RAP1A: variants seen among roughly 807,000 people sequenced by gnomAD.
The protein encoded by RAP1A is ras-related protein Rap-1A.
In RAP1A, 6 loss-of-function variants were observed where a neutral mutation model predicts 26.4. The ratio of observed to expected loss-of-function variants is 0.23; its 90% CI spans 0.12 to 0.45. The LOEUF is 0.45. Ranked by LOEUF, RAP1A falls within the 20% of genes least tolerant of loss-of-function variation. The pLI is 0.99. For missense variants in RAP1A, 121 were observed against 217.2 expected, an observed-to-expected ratio of 0.56 and a Z score of 2.78; for synonymous variants, 73 against 79.4, an observed-to-expected ratio of 0.92 and a Z score of 0.43.
chr1:111,584,376 T>C (rs762894145), intron 1 of RAP1A, among the ~76,000 whole-genome samples: 11 of 152,142 alleles, frequency 7.2e-5, no homozygotes, highest in Admixed American at 5.2e-4. Context: ...TTCTGGAGAC[T>C]GGGTAGTCCA....
intron 1 of RAP1A, among the ~76,000 whole-genome samples, chr1:111,585,420 A>G (rs1477893665): frequency 1.3e-5 from 2 of 152,200 alleles, no homozygotes; most frequent in Admixed American, 6.5e-5. Context: ...TGGATGATGG[A>G]TACAAATCAG....
intron 1 of RAP1A, among the ~76,000 whole-genome samples, chr1:111,594,054 C>G (rs1422592691): frequency 6.6e-6 from 1 of 152,126 alleles, no homozygotes; most frequent in East Asian, 1.9e-4. Flanking sequence ...TTTTAAGCCT[C>G]CAGCAACGTT....
intron 1 of RAP1A, chr1:111,649,316 G>A (rs2101132272): frequency 2.3e-6 from 1 of 428,372 alleles, no homozygotes; most frequent in East Asian, 5.7e-5. Context: ...CAGGCATTGA[G>A]GCGTTGCATG....
In RAP1A at chr1:111,619,808, C is replaced by T. The variant is rs1038622875; in HGVS notation, c.-154C>T. 24 of 399,032 alleles carry T rather than the reference C, an allele frequency of 6.0e-5. No homozygotes were observed. Among genetic ancestry groups the T allele is most frequent in the Non-Finnish European group, 8.4e-5 (19 of 226,896 alleles). 24.7% of individuals were successfully genotyped at this position (399,032 alleles called of 1,614,324 possible). Reference sequence around the variant, plus strand: ...GGCGCCGCCGCCGCTCCCGAGGCCCCTGCCGCCGCCGCTCCCGCTGCTGTC... The same window carrying T: ...GGCGCCGCCGCCGCTCCCGAGGCCCTTGCCGCCGCCGCTCCCGCTGCTGTC... On this transcript the variant is annotated 5_prime_UTR_variant, in exon 1 of 8. Transcript: ENST00000369709.
chr1:111,674,301 T>TC (rs57770108), intron 1 of RAP1A, among the ~76,000 whole-genome samples: 1 of 151,928 alleles, frequency 6.6e-6, no homozygotes, highest in Admixed American at 6.6e-5. Context: ...TTTTTTTTTT[T>TC]CATGGAATCA....
intron 1 of RAP1A, among the ~76,000 whole-genome samples, chr1:111,566,776 C>T (rs1657926405): frequency 6.6e-6 from 1 of 151,538 alleles, no homozygotes; most frequent in Non-Finnish European, 1.5e-5. Context: ...AAACAGGGAA[C>T]ATAAATTAAA....
At chr1:111,653,886 GGATA>G (rs1204278209) in intron 1 of RAP1A, among the ~76,000 whole-genome samples, 1 of 152,068 alleles carries the variant, frequency 6.6e-6, no homozygotes, top group African/African-American at 2.4e-5. Context: ...CAGAGGATTT[GGATA>G]GATAGAGGAA....
intron 1 of RAP1A, among the ~76,000 whole-genome samples, chr1:111,666,499 A>T (rs972027942): frequency 6.6e-6 from 1 of 152,210 alleles, no homozygotes; most frequent in African/African-American, 2.4e-5. Flanking sequence ...GTAGTCATTG[A>T]ATGTAAGAAC....
intron 1 of RAP1A, among the ~76,000 whole-genome samples, chr1:111,611,476 A>G (rs2101080135): frequency 6.6e-6 from 1 of 152,362 alleles, no homozygotes; most frequent in East Asian, 1.9e-4. Flanking sequence ...TACTTGAATC[A>G]TAATGTCAAT....
chr1:111,607,588 G>C (rs1251711543), intron 1 of RAP1A, among the ~76,000 whole-genome samples: 2 of 150,414 alleles, frequency 1.3e-5, no homozygotes, highest in African/African-American at 4.9e-5. Flanking sequence ...AGTAGGGGCG[G>C]CTGGGCAGAG....
At position 111,548,620 on chromosome 1, in the gene RAP1A, C is replaced by T. The variant is rs138972672; in HGVS notation, c.-28+6111C>T. Among the ~76,000 whole-genome samples the T allele has an allele frequency of 5.3e-3, 813 of 152,264 alleles. 4 individuals carry two copies. Among genetic ancestry groups the T allele is most frequent in the Non-Finnish European group, 9.3e-3 (635 of 68,022 alleles). On this transcript the variant is annotated intron_variant, in intron 1 of 7. Transcript: ENST00000356415. ...ATTGACTATTGTTTCTGCTGTTAAT[C>T]GTTGATCCTCTTCAATTAGGTCACA... is the stretch of plus-strand genomic sequence containing the variant.
intron 1 of RAP1A, among the ~76,000 whole-genome samples, chr1:111,623,787 T>C (rs1395391998): frequency 1.3e-5 from 2 of 152,212 alleles, no homozygotes; most frequent in African/African-American, 4.8e-5. Flanking sequence ...ACTATACCAC[T>C]GTGAGGGCTT....
intron 1 of RAP1A, among the ~76,000 whole-genome samples, chr1:111,597,493 C>A (rs531812500): frequency 6.6e-6 from 1 of 152,190 alleles, no homozygotes; most frequent in Admixed American, 6.5e-5. Flanking sequence ...AAGTCCAGAT[C>A]CCCAACAGAA....
At chr1:111,614,165 AAATTC>A (rs1658976647) in intron 1 of RAP1A, among the ~76,000 whole-genome samples, 8 of 152,230 alleles carry the variant, frequency 5.3e-5, no homozygotes, top group Admixed American at 5.2e-4. Flanking sequence ...GCTTTTGTAT[AAATTC>A]ATTTAATCCT....
chr1:111,585,727 T>C (rs375162094), intron 1 of RAP1A, among the ~76,000 whole-genome samples: 2 of 152,350 alleles, frequency 1.3e-5, no homozygotes, highest in East Asian at 3.9e-4. Flanking sequence ...TCTGACATTC[T>C]GTGTTTCTCT....
intron 1 of RAP1A, among the ~76,000 whole-genome samples, chr1:111,667,211 A>T (rs780063121): frequency 6.6e-6 from 1 of 152,172 alleles, no homozygotes; most frequent in South Asian, 2.1e-4. Context: ...TTCTTTGCTC[A>T]GGTCATTCTG....
rs11102325 is a variant in RAP1A, at chr1:111,714,571, T to C, written c.*2170T>C. 47,411 of 152,108 alleles carry C rather than the reference T, an allele frequency of 0.31. 7,720 individuals carry two copies. The highest frequency in any genetic ancestry group is 0.47 in the East Asian group (2,421 of 5,172). The allele number at this position is 152,108 out of a possible 1,614,324, so 9.4% of individuals were successfully genotyped here. On this transcript the variant is annotated 3_prime_UTR_variant, in exon 8 of 8. Transcript: ENST00000369709. ...TATTAGATTCCTTTGTCACATCTTA[T>C]ACAGTCCACTTGGGTTAAAGGTGGA...
intron 1 of RAP1A, among the ~76,000 whole-genome samples, chr1:111,543,554 A>G (rs1034264673): frequency 1.3e-5 from 2 of 152,088 alleles, no homozygotes; most frequent in Non-Finnish European, 2.9e-5. Flanking sequence ...GCTTTGAGAA[A>G]ATGAACAGTA....
At chr1:111,576,701 T>G (rs1052309280) in intron 1 of RAP1A, among the ~76,000 whole-genome samples, 1 of 152,154 alleles carries the variant, frequency 6.6e-6, no homozygotes, top group African/African-American at 2.4e-5. Context: ...TAGCTAATGT[T>G]TGGTTTCCTT....
Sources: gnomAD v4.1 joint callset for allele counts (sites outside exome capture counted in the v4.1 genomes callset) on GRCh38, gnomAD v4.1.1 for gene constraint, MANE v1.5 for transcripts, NCBI Gene and HGNC (gene_info 2026-07-23, HGNC 2026-07-21) for gene names.